The following ECE1 variants were observed in gnomAD, a reference collection of about 807,000 sequenced individuals.
ECE1 encodes the protein endothelin-converting enzyme 1.
In ECE1, 35 loss-of-function variants were observed where a neutral mutation model predicts 98.6. That is an observed-to-expected ratio of 0.35 (90% CI 0.27 to 0.47). The LOEUF is 0.47. ECE1 is among the 20% of genes least tolerant of loss of function. The pLI is 1.00. For missense variants in ECE1, 814 were observed against 1,025.3 expected, an observed-to-expected ratio of 0.79 and a Z score of 2.81; for synonymous variants, 394 against 407.1, an observed-to-expected ratio of 0.97 and a Z score of 0.39.
chr1:21,337,433 C>T (rs867246529), intron 1 of ECE1, among the ~76,000 whole-genome samples: 1 of 152,202 alleles, frequency 6.6e-6, no homozygotes, highest in Non-Finnish European at 1.5e-5. Context: ...AGGAGGCACA[C>T]GGGAACTGTG....
chr1:21,285,279 C>G (rs2098259233), intron 2 of ECE1, among the ~76,000 whole-genome samples: 1 of 152,096 alleles, frequency 6.6e-6, no homozygotes, highest in South Asian at 2.1e-4. Context: ...GAAGGAACAC[C>G]CAGCTCCCCA....
At chr1:21,309,250 C>T (rs950267099) in intron 1 of ECE1, among the ~76,000 whole-genome samples, 1 of 152,194 alleles carries the variant, frequency 6.6e-6, no homozygotes, top group Non-Finnish European at 1.5e-5. Flanking sequence ...GTCACTCCCC[C>T]TCTGTGGTTA....
upstream of ECE1, chr1:21,294,232 G>A (rs1638291957): frequency 6.6e-6 from 1 of 152,410 alleles, no homozygotes; most frequent in African/African-American, 2.4e-5. This position sits in a 1 kb window ranked among gnomAD's most constrained non-coding sequence, Gnocchi z 4.2. Context: ...ACAGAGTCTG[G>A]GTGCCCTGGG....
At chr1:21,253,198 C>G (rs930943310) in intron 8 of ECE1, among the ~76,000 whole-genome samples, 1 of 151,654 alleles carries the variant, frequency 6.6e-6, no homozygotes, top group Non-Finnish European at 1.5e-5. Context: ...CTGGGACAAC[C>G]GGCGCACACC....
chr1:21,306,935 C>G (rs113715696), intron 1 of ECE1, among the ~76,000 whole-genome samples: 16 of 152,302 alleles, frequency 1.1e-4, no homozygotes, highest in African/African-American at 3.8e-4. Flanking sequence ...GTCAGGGACA[C>G]AGTCAGGACT....
chr1:21,341,289 C>T (rs1639393884), intron 1 of ECE1, among the ~76,000 whole-genome samples: 1 of 152,190 alleles, frequency 6.6e-6, no homozygotes, highest in African/African-American at 2.4e-5. Flanking sequence ...CCCCATGCCT[C>T]GTGTTGTGCC....
chr1:21,297,378 A>G (rs1170697662), intron 1 of ECE1, among the ~76,000 whole-genome samples: 1 of 151,708 alleles, frequency 6.6e-6, no homozygotes, highest in Non-Finnish European at 1.5e-5. Flanking sequence ...ACCTCCATCA[A>G]TCATCTCTGG....
chr1:21,345,450 T>G lies in ECE1; in HGVS notation c.-72A>C, dbSNP rs2072654. The stretch of plus-strand genomic sequence containing the variant: ...TCCCGATTCCCAGCTCCGGGTTCCC[T>G]GCTCCCAGCCCAGCTGCTCGGACGG... On this transcript the variant is annotated 5_prime_UTR_variant, in exon 1 of 19. Transcript: ENST00000415912. This position sits in a 1 kb window ranked among gnomAD's most constrained non-coding sequence, Gnocchi z 5.1. 692,361 of 1,258,432 alleles carry G rather than the reference T, an allele frequency of 0.55. 193,709 individuals carry two copies. Among genetic ancestry groups the G allele is most frequent in the African/African-American group, 0.77 (50,090 of 65,048 alleles). 78.0% of individuals were successfully genotyped at this position (1,258,432 alleles called of 1,614,324 possible).
chr1:21,286,413 A>T (rs1386162765), intron 2 of ECE1, among the ~76,000 whole-genome samples: 4 of 152,202 alleles, frequency 2.6e-5, no homozygotes, highest in African/African-American at 7.2e-5. Context: ...GCTTTCCCTC[A>T]TACTGTCCCA....
rs2098264890 is a variant in ECE1, at chr1:21,290,027, G to A, written c.138+43C>T. On this transcript the variant is annotated intron_variant, in intron 2 of 18. Transcript: ENST00000374893. This position sits in a 1 kb window ranked among gnomAD's most constrained non-coding sequence, Gnocchi z 7.3. ...CGGCAGCGGCAGCGCGCATGCCCGG[G>A]CCCGGGGCGCCTGGACCTCGGGAGG... The A allele has an allele frequency of 7.6e-7, 1 of 1,314,036 alleles. No individual in the cohort carries two copies. The highest frequency in any genetic ancestry group is 9.8e-7 in the Non-Finnish European group (1 of 1,019,426). The allele number at this position is 1,314,036 out of a possible 1,614,324, so 81.4% of individuals were successfully genotyped here.
chr1:21,279,680 C>T (rs1569631149), intron 2 of ECE1: 1 of 1,398,018 alleles, frequency 7.2e-7, no homozygotes, highest in East Asian at 2.6e-5. Flanking sequence ...TTGCAGGCAT[C>T]CAGTGAGTAC....
intron 14 of ECE1, among the ~76,000 whole-genome samples, chr1:21,231,694 G>A (rs1439805651): frequency 1.3e-5 from 2 of 152,164 alleles, no homozygotes; most frequent in African/African-American, 4.8e-5. Flanking sequence ...TTGCTCTGTA[G>A]CCCAGGCTGG....
intron 14 of ECE1, among the ~76,000 whole-genome samples, chr1:21,231,716 A>C (rs1375975293): frequency 6.6e-6 from 1 of 152,184 alleles, no homozygotes; most frequent in Non-Finnish European, 1.5e-5. Flanking sequence ...GTGCAGTGGT[A>C]CAACTGTAGC....
chr1:21,304,054 G>A (rs189814046), intron 1 of ECE1, among the ~76,000 whole-genome samples: 22 of 149,812 alleles, frequency 1.5e-4, no homozygotes, highest in Admixed American at 1.1e-3. Context: ...AGTGGCTCAC[G>A]CCTGTAATCC....
At chr1:21,297,229 C>A (rs1638379874) in intron 1 of ECE1, among the ~76,000 whole-genome samples, 1 of 152,212 alleles carries the variant, frequency 6.6e-6, no homozygotes, top group Admixed American at 6.5e-5. Context: ...CACCGGGAAT[C>A]TTACCTAGTG....
intron 1 of ECE1, among the ~76,000 whole-genome samples, chr1:21,303,617 G>C (rs1413738674): frequency 6.6e-6 from 1 of 152,208 alleles, no homozygotes; most frequent in Non-Finnish European, 1.5e-5. Context: ...CCACAGATGT[G>C]AATTATTTGG....
Position 21,221,812 on chromosome 1 carries a change from C to T in ECE1, c.2071G>A (p.Ala691Thr). The change falls in exon 18 of 19, where the codon GCT (alanine) becomes ACT (threonine). Residue 691 changes from alanine (A) to threonine (T), a missense_variant. By Grantham distance (58) the Ala-to-Thr change is moderately conservative. Transcript: ENST00000374893. Reference sequence around the variant, plus strand: ...CCCAGGGTGGGGAGCGAGTGCTCAGCCCCGTTCTTCTTCACCCAGTTCTGG... The same window carrying T: ...CCCAGGGTGGGGAGCGAGTGCTCAGTCCCGTTCTTCTTCACCCAGTTCTGG... ...AYQNWVKKNGAEHSLPTLGLT... is the reference protein window; with the variant it reads ...AYQNWVKKNGTEHSLPTLGLT... 2 of 1,614,202 alleles carry T rather than the reference C, an allele frequency of 1.2e-6. No homozygotes were observed. The highest frequency in any genetic ancestry group is 1.7e-4 in the Middle Eastern group (1 of 6,058).
At chr1:21,265,085 G>A (rs2098232208) in intron 4 of ECE1, among the ~76,000 whole-genome samples, 3 of 152,154 alleles carry the variant, frequency 2.0e-5, no homozygotes, top group Admixed American at 1.3e-4. Flanking sequence ...CTTCCCTGCT[G>A]GAATGTAACT....
rs555063220 is a variant in ECE1, at chr1:21,248,745, C to A, written c.1021-1382G>T. 1.9e-4 allele frequency among the ~76,000 whole-genome samples: 29 copies of A among 152,070 alleles called. No homozygotes were observed. In the East Asian group the frequency reaches 4.7e-3, roughly 24 times the overall value. On this transcript the variant is annotated intron_variant, in intron 8 of 18. Transcript: ENST00000374893. ...GTTCAAGCGATTCTCCTGCCTCAGC[C>A]TCCCTAGTAGCTGGGATTACAGGTG...
Sources: allele counts gnomAD v4.1 joint callset (sites outside exome capture counted in the v4.1 genomes callset), GRCh38; gene constraint gnomAD v4.1.1; non-coding constraint Gnocchi (gnomAD v3.1); transcripts MANE v1.5; gene names NCBI Gene and HGNC (gene_info 2026-07-23, HGNC 2026-07-21).